The following FANK1 variants were observed in gnomAD, a reference collection of about 807,000 sequenced individuals.
FANK1 encodes fibronectin type III and ankyrin repeat domains 1.
FANK1 carries 44 observed loss-of-function variants against 45.3 expected under a neutral mutation model. The ratio of observed to expected loss-of-function variants is 0.97; its 90% CI spans 0.76 to 1.25. FANK1 has a LOEUF of 1.25. FANK1 is among the 50% of genes most tolerant of loss of function. FANK1 has a pLI of 0.00. For synonymous variants in FANK1, 149 were observed against 152.5 expected, an observed-to-expected ratio of 0.98 and a Z score of 0.17; for missense variants, 391 against 424.4, an observed-to-expected ratio of 0.92 and a Z score of 0.69.
intron 1 of FANK1, 47 bp from the exon 2 acceptor site, chr10:125,980,114 C>T: frequency 6.3e-7 from 1 of 1,583,514 alleles, no homozygotes; most frequent in Non-Finnish European, 8.6e-7. Context: ...GGTCTCTCTT[C>T]CTTATGGAAA....
intron 4 of FANK1, 51 bp downstream of exon 4, chr10:125,995,549 TA>T: frequency 6.6e-7 from 1 of 1,514,538 alleles, no homozygotes; most frequent in Non-Finnish European, 9.2e-7. Flanking sequence ...ATAAAGTGCA[TA>T]GAAATACATG....
chr10:125,957,375 G>A (rs1033383422), intron 1 of FANK1, among the ~76,000 whole-genome samples: 3 of 151,414 alleles, frequency 2.0e-5, no homozygotes, highest in Non-Finnish European at 2.9e-5. Context: ...ACTTGCCTTT[G>A]TTAGGGCTCT....
At chr10:125,999,593 G>T (rs983837827) in intron 6 of FANK1, among the ~76,000 whole-genome samples, 1 of 152,032 alleles carries the variant, frequency 6.6e-6, no homozygotes, top group African/African-American at 2.4e-5. Context: ...CTTAGTATTG[G>T]CAAATTCCTT....
rs921800833 is a variant in FANK1, at chr10:125,989,345, A to T, written c.316+670A>T. ...CACAAGTGTTCTCCACGGCCCACCC[A>T]CTGAAAACACAGGCAAGTAATTTTT... On this transcript the variant is annotated intron_variant, in intron 3 of 10. Coordinates refer to ENST00000368693, the MANE Select transcript of FANK1 (RefSeq NM_145235.5). 5.8e-6 allele frequency: 9 copies of T among 1,551,146 alleles called. No individual in the cohort carries two copies. The Admixed American group carries it at 1.4e-4, about 24-fold the overall frequency.
At chr10:125,928,660 A>ATAG (rs1274091534) in intron 1 of FANK1, among the ~76,000 whole-genome samples, 1 of 152,108 alleles carries the variant, frequency 6.6e-6, no homozygotes, top group Non-Finnish European at 1.5e-5. Flanking sequence ...TGATAGATGT[A>ATAG]TAGTAGTATC....
At chr10:125,929,850 C>T (rs1394773311) in intron 1 of FANK1, among the ~76,000 whole-genome samples, 2 of 152,126 alleles carry the variant, frequency 1.3e-5, no homozygotes, top group Non-Finnish European at 2.9e-5. Context: ...ACTTGAGGTA[C>T]ACCCTATGTA....
chr10:125,916,939 C>T lies in FANK1; in HGVS notation c.13+20284C>T, dbSNP rs567084624. ...AACATCCTTCTCTCTGAAGATAACG[C>T]TGAATCGAATCTGAATGATACGTCC... On this transcript the variant is annotated intron_variant, in intron 1 of 10. Transcript: ENST00000368693. Among the ~76,000 whole-genome samples, 934 of 152,290 alleles carry T rather than the reference C, an allele frequency of 6.1e-3. 13 individuals carry two copies. The highest frequency in any genetic ancestry group is 0.021 in the African/African-American group (880 of 41,560).
chr10:125,912,585 C>A (rs544093822), intron 1 of FANK1, among the ~76,000 whole-genome samples: 2 of 151,882 alleles, frequency 1.3e-5, no homozygotes, highest in East Asian at 1.9e-4. Flanking sequence ...TAATTTACAC[C>A]CTTGGTTAAA....
chr10:125,907,734 G>A (rs181220794), intron 1 of FANK1, among the ~76,000 whole-genome samples: 2 of 152,276 alleles, frequency 1.3e-5, no homozygotes, highest in East Asian at 3.9e-4. Flanking sequence ...GAGGAAGTGT[G>A]TGACCATATT....
intron 1 of FANK1, among the ~76,000 whole-genome samples, chr10:125,956,455 A>G (rs1173178939): frequency 6.6e-6 from 1 of 152,192 alleles, no homozygotes. Context: ...AGGCAGATTT[A>G]TTATGTATGA....
intron 1 of FANK1, among the ~76,000 whole-genome samples, chr10:125,976,391 T>G (rs772483380): frequency 6.6e-6 from 1 of 152,268 alleles, no homozygotes; most frequent in Non-Finnish European, 1.5e-5. Context: ...TCAGGGATGA[T>G]ATCTAGGAAT....
chr10:125,963,489 A>G (rs1290671490), intron 1 of FANK1, among the ~76,000 whole-genome samples: 1 of 152,222 alleles, frequency 6.6e-6, no homozygotes, highest in Non-Finnish European at 1.5e-5. Flanking sequence ...AAGACTTGGA[A>G]CCAACCTAAA....
intron 3 of FANK1, among the ~76,000 whole-genome samples, chr10:125,993,583 G>A (rs1166160082): frequency 1.3e-5 from 2 of 152,140 alleles, no homozygotes; most frequent in African/African-American, 4.8e-5. Context: ...AATCAAAAAT[G>A]TCACCAGACA....
At chr10:125,963,273 T>C (rs966944142) in intron 1 of FANK1, among the ~76,000 whole-genome samples, 9 of 152,300 alleles carry the variant, frequency 5.9e-5, no homozygotes, top group African/African-American at 2.2e-4. Flanking sequence ...TGTGGAGAAA[T>C]ATGAACACTT....
chr10:125,982,897 G>C (rs2366342), intron 2 of FANK1, among the ~76,000 whole-genome samples: 59,504 of 151,268 alleles, frequency 0.39, 11,887 homozygotes, highest in South Asian at 0.45. Context: ...TTTTCTGATG[G>C]AAGGAGTTGA....
chr10:125,942,610 A>G lies in FANK1; in HGVS notation c.14-37551A>G, dbSNP rs184108059. Among the ~76,000 whole-genome samples, 204 of 152,294 alleles carry G rather than the reference A, an allele frequency of 1.3e-3. 1 individual carries two copies. The East Asian group carries it at 0.023, about 17-fold the overall frequency. On this transcript the variant is annotated intron_variant, in intron 1 of 10. Coordinates refer to ENST00000368693, the MANE Select transcript of FANK1 (RefSeq NM_145235.5). ...ACTAAAAACAAGAAAATAAATTACA[A>G]ATATTTAAAAGCTGACAAATATAAA...
At chr10:125,902,139 G>A (rs111226908) in intron 1 of FANK1, among the ~76,000 whole-genome samples, 13 of 152,118 alleles carry the variant, frequency 8.5e-5, no homozygotes, top group Non-Finnish European at 1.8e-4. Flanking sequence ...GAGGGATAGC[G>A]TTAGGAGATA....
chr10:125,924,233 T>C (rs1217882071), intron 1 of FANK1, among the ~76,000 whole-genome samples: 2 of 152,140 alleles, frequency 1.3e-5, no homozygotes, highest in Non-Finnish European at 2.9e-5. Flanking sequence ...GTTCTTTGTC[T>C]GATTTATTGA....
intron 1 of FANK1, among the ~76,000 whole-genome samples, chr10:125,922,009 G>T (rs1166112503): frequency 3.3e-5 from 5 of 151,844 alleles, no homozygotes; most frequent in African/African-American, 9.7e-5. Flanking sequence ...AGTTTATTTG[G>T]TTCTTTTTTT....
Sources: gnomAD v4.1 joint callset for allele counts (sites outside exome capture counted in the v4.1 genomes callset) on GRCh38, gnomAD v4.1.1 for gene constraint, MANE v1.5 for transcripts, NCBI Gene and HGNC (gene_info 2026-07-23, HGNC 2026-07-21) for gene names.